Variants in C8orf34 observed in about 807,000 individuals in gnomAD.
C8orf34 encodes uncharacterized protein C8orf34.
A neutral mutation model predicts 68.3 loss-of-function variants in C8orf34; 65 were observed. The observed-to-expected ratio is 0.95, with a 90% CI of 0.78 to 1.17. C8orf34 has a LOEUF of 1.17. C8orf34 is among the 50% of genes most tolerant of loss of function. C8orf34 has a pLI of 0.00. For missense variants in C8orf34, 664 were observed against 655.4 expected (o/e 1.01, Z -0.14); for synonymous variants, 244 against 241.2 (o/e 1.01, Z -0.11).
intron 7 of C8orf34, among the ~76,000 whole-genome samples, chr8:68,599,393 G>A (rs1586430346): frequency 6.6e-6 from 1 of 151,884 alleles, no homozygotes; most frequent in African/African-American, 2.4e-5. Flanking sequence ...AAAAATCTTA[G>A]CCGAAAGTAA....
chr8:68,589,164 A>G (rs1420182109), intron 7 of C8orf34, among the ~76,000 whole-genome samples: 5 of 152,208 alleles, frequency 3.3e-5, no homozygotes, highest in Non-Finnish European at 7.3e-5. Context: ...AGAGAATATG[A>G]CATAAGATTC....
chr8:68,774,490 A>C (rs1329318918), intron 10 of C8orf34, among the ~76,000 whole-genome samples: 1 of 151,996 alleles, frequency 6.6e-6, no homozygotes, highest in African/African-American at 2.4e-5. Context: ...AAATAGAACT[A>C]CCTTATCTCT....
intron 1 of C8orf34, among the ~76,000 whole-genome samples, chr8:68,390,991 A>G (rs992627531): frequency 5.9e-5 from 9 of 152,280 alleles, no homozygotes; most frequent in Non-Finnish European, 1.3e-4. Flanking sequence ...AGGGAAATAT[A>G]CTTTTCTTAA....
At chr8:68,758,441 C>A (rs1822929851) in intron 10 of C8orf34, among the ~76,000 whole-genome samples, 1 of 152,152 alleles carries the variant, frequency 6.6e-6, no homozygotes, top group South Asian at 2.1e-4. Flanking sequence ...TAAGGTCAAG[C>A]CGTACTCCTT....
intron 9 of C8orf34, among the ~76,000 whole-genome samples, chr8:68,713,165 G>A (rs571195090): frequency 4.3e-4 from 66 of 152,216 alleles, no homozygotes; most frequent in South Asian, 2.1e-3. Flanking sequence ...CTGGGATACA[G>A]TAAAAGTAGC....
chr8:68,344,474 C>T (rs571749489), intron 1 of C8orf34, among the ~76,000 whole-genome samples: 1 of 152,070 alleles, frequency 6.6e-6, no homozygotes, highest in South Asian at 2.1e-4. Flanking sequence ...GTTCTATATC[C>T]TGATTTTGTC....
At chr8:68,563,559 C>T (rs1254172569) in intron 7 of C8orf34, among the ~76,000 whole-genome samples, 2 of 151,818 alleles carry the variant, frequency 1.3e-5, no homozygotes, top group Non-Finnish European at 2.9e-5. Flanking sequence ...GATCCCAGTG[C>T]TACAAAGGGA....
At chr8:68,541,116 C>T (rs527305606) in intron 7 of C8orf34, among the ~76,000 whole-genome samples, 8 of 152,070 alleles carry the variant, frequency 5.3e-5, no homozygotes, top group African/African-American at 1.9e-4. Flanking sequence ...CTTAGGGTTT[C>T]GTGAGGATGA....
intron 10 of C8orf34, among the ~76,000 whole-genome samples, chr8:68,727,166 C>T (rs569634564): frequency 2.0e-5 from 3 of 152,124 alleles, no homozygotes; most frequent in Non-Finnish European, 4.4e-5. Flanking sequence ...TGGGTAAATA[C>T]AGCTATTCCA....
intron 10 of C8orf34, among the ~76,000 whole-genome samples, chr8:68,725,837 A>T (rs1821812899): frequency 6.6e-6 from 1 of 152,232 alleles, no homozygotes; most frequent in Non-Finnish European, 1.5e-5. Context: ...AGTCACTGTT[A>T]ACACCTGTAA....
At chr8:68,404,934 T>C (rs559600742) in intron 1 of C8orf34, among the ~76,000 whole-genome samples, 8 of 152,276 alleles carry the variant, frequency 5.3e-5, no homozygotes, top group South Asian at 2.1e-4. Flanking sequence ...GGGGATAGCA[T>C]TGAATCTATA....
chr8:68,669,245 A>G (rs541990457), intron 8 of C8orf34, among the ~76,000 whole-genome samples: 3 of 152,174 alleles, frequency 2.0e-5, no homozygotes, highest in South Asian at 4.2e-4. Context: ...GATGTTGATA[A>G]TGGGGGAGGC....
chr8:68,425,378 A>G (rs879413564), intron 1 of C8orf34, among the ~76,000 whole-genome samples: 7 of 152,198 alleles, frequency 4.6e-5, no homozygotes, highest in Admixed American at 1.3e-4. Context: ...GTCTACAGAG[A>G]TGATCCCAAC....
At chr8:68,769,732 C>G (rs1281792646) in intron 10 of C8orf34, among the ~76,000 whole-genome samples, 1 of 151,986 alleles carries the variant, frequency 6.6e-6, no homozygotes, top group Non-Finnish European at 1.5e-5. Context: ...AATTTGTTTT[C>G]CTTCATTTAT....
chr8:68,568,345 C>G (rs969376043), intron 7 of C8orf34, among the ~76,000 whole-genome samples: 2 of 152,164 alleles, frequency 1.3e-5, no homozygotes, highest in Admixed American at 6.5e-5. Context: ...TTCCCTGTGT[C>G]TCTCTCACTA....
Position 68,476,815 on chromosome 8 carries a change from T to C in C8orf34, c.736+7995T>C, listed in dbSNP as rs151115723. ...TATCACTATGTCAAAAGGTGAATCATAGGATATAAAGACAGTTTATTCACA... is the reference window on the plus strand; with the variant it reads ...TATCACTATGTCAAAAGGTGAATCACAGGATATAAAGACAGTTTATTCACA... On this transcript the variant is annotated intron_variant, in intron 4 of 13. Transcript: ENST00000518698. Among the ~76,000 whole-genome samples the C allele has an allele frequency of 5.6e-3, 852 of 152,282 alleles. 7 individuals carry two copies. Among genetic ancestry groups the C allele is most frequent in the Non-Finnish European group, 7.0e-3 (473 of 68,028 alleles).
chr8:68,576,882 A>G (rs1245937146), intron 7 of C8orf34, among the ~76,000 whole-genome samples: 1 of 152,068 alleles, frequency 6.6e-6, no homozygotes, highest in African/African-American at 2.4e-5. Flanking sequence ...ATTGAAATGC[A>G]CACAAACCAA....
intron 12 of C8orf34, chr8:68,791,138 A>G: frequency 2.3e-6 from 1 of 439,766 alleles, no homozygotes; most frequent in Non-Finnish European, 4.0e-6. Context: ...ACTGCCTGAG[A>G]CTGGGTAATT....
chr8:68,444,811 C>T (rs1201451025), intron 2 of C8orf34, among the ~76,000 whole-genome samples: 2 of 152,110 alleles, frequency 1.3e-5, no homozygotes, highest in Non-Finnish European at 2.9e-5. Context: ...AAAGTCACAA[C>T]ATTCATTTCA....
Sources: gnomAD v4.1 joint callset for allele counts (sites outside exome capture counted in the v4.1 genomes callset) on GRCh38, gnomAD v4.1.1 for gene constraint, MANE v1.5 for transcripts, NCBI Gene and HGNC (gene_info 2026-07-23, HGNC 2026-07-21) for gene names.